Variants in TMEM127 observed in about 807,000 individuals in gnomAD.
TMEM127 encodes transmembrane protein 127.
In TMEM127, 21 loss-of-function variants were observed where a neutral mutation model predicts 20.1. The observed-to-expected ratio is 1.04, with a 90% CI of 0.74 to 1.50. The LOEUF (loss-of-function observed/expected upper bound fraction) is 1.50, where lower values mean the gene tolerates loss of function less well. Ranked by LOEUF, TMEM127 falls within the 40% of genes most tolerant of loss-of-function variation. The pLI is 0.00. For synonymous variants in TMEM127, 150 were observed against 144.7 expected (o/e 1.04, Z -0.26); for missense variants, 303 against 317.4 (o/e 0.95, Z 0.34).
At chr2:96,265,567 G>T in intron 1 of TMEM127, 55 bp from the exon 2 acceptor site, 1 of 693,054 alleles carries the variant, frequency 1.4e-6, no homozygotes, top group Non-Finnish European at 2.0e-6. Context: ...TGACGGAGAC[G>T]GGGAGGGCTG....
At chr2:96,263,182 G>A (rs1215432042) in intron 2 of TMEM127, among the ~76,000 whole-genome samples, 2 of 151,858 alleles carry the variant, frequency 1.3e-5, no homozygotes, top group African/African-American at 4.8e-5. Flanking sequence ...AGCCTTCAGA[G>A]TATCTGGGAC....
chr2:96,252,863 G>T lies in TMEM127; in HGVS notation c.*945C>A, dbSNP rs1440325323. ...CCAGGGAGTCACCGTCACTGAGAGG[G>T]AAGGGGCCAGGGAAGGGAGGCTGCA... On this transcript the variant is annotated 3_prime_UTR_variant, in exon 4 of 4. Coordinates refer to ENST00000258439, the MANE Select transcript of TMEM127 (RefSeq NM_017849.4). This position sits in a 1 kb window ranked among gnomAD's most constrained non-coding sequence, Gnocchi z 4.2. 4.3e-6 allele frequency: 1 copy of T among 233,878 alleles called. No homozygotes were observed. Among genetic ancestry groups the T allele is most frequent in the Non-Finnish European group, 8.5e-6 (1 of 118,254 alleles). 14.5% of individuals were successfully genotyped at this position (233,878 alleles called of 1,614,324 possible). A position where few individuals can be genotyped will look rare whatever the true frequency, so the allele number is the denominator to read the frequency against.
At chr2:96,260,545 G>A (rs987943340) in intron 2 of TMEM127, 1 of 152,292 alleles carries the variant, frequency 6.6e-6, no homozygotes, top group Admixed American at 6.5e-5. Context: ...GCTTGGCGGT[G>A]CCCTCTAGTC....
rs577020327 is a variant in TMEM127, at chr2:96,265,237, C to T, written c.145G>A (p.Ala49Thr). Residue 49 changes from alanine (A) to threonine (T), a missense_variant, in exon 2 of 4, where the codon GCC (alanine) becomes ACC (threonine). Transcript: ENST00000258439. ...LSITALCTALAEPAWLHIHGG... is the reference protein window; with the variant it reads ...LSITALCTALTEPAWLHIHGG... ...TGGATGTGCAACCAGGCGGGCTCGG[C>T]GAGGGCAGTGCACAGCGCCGTGATA... 9 of 1,598,758 alleles carry T rather than the reference C, an allele frequency of 5.6e-6. No individual in the cohort carries two copies. The Admixed American group carries it at 1.2e-4, about 21-fold the overall frequency.
chr2:96,265,907 C>G lies in TMEM127; in HGVS notation c.-170G>C, dbSNP rs1684413858. ...CCAGGGCTGGGATGGTGCTGCTCAG[C>G]CCAGTCACGGGCTTCTCGGCTGCCG... On this transcript the variant is annotated 5_prime_UTR_variant, in exon 1 of 4. Coordinates refer to ENST00000258439, the MANE Select transcript of TMEM127 (RefSeq NM_017849.4). 1 of 169,918 alleles carries G rather than the reference C, an allele frequency of 5.9e-6. No individual in the cohort carries two copies. Among genetic ancestry groups the G allele is most frequent in the Admixed American group, 6.4e-5 (1 of 15,690 alleles). 10.5% of individuals were successfully genotyped at this position (169,918 alleles called of 1,614,324 possible).
intron 2 of TMEM127, among the ~76,000 whole-genome samples, chr2:96,259,812 G>A (rs1262539081): frequency 1.3e-5 from 2 of 152,226 alleles, no homozygotes; most frequent in Admixed American, 6.5e-5. Context: ...GGCATGCTGG[G>A]TCAGCTGACA....
intron 2 of TMEM127, among the ~76,000 whole-genome samples, chr2:96,257,693 C>T (rs1380412583): frequency 6.6e-5 from 10 of 152,134 alleles, no homozygotes; most frequent in East Asian, 3.9e-4. Flanking sequence ...GTGGGTGGAT[C>T]GCCTGAGGTC....
At chr2:96,259,849 G>C (rs1448498992) in intron 2 of TMEM127, among the ~76,000 whole-genome samples, 1 of 152,226 alleles carries the variant, frequency 6.6e-6, no homozygotes, top group Non-Finnish European at 1.5e-5. Flanking sequence ...GCAGCCACCT[G>C]TGCTGTTATT....
At position 96,254,090 on chromosome 2, in the gene TMEM127, G is replaced by C. The variant is rs761795793; in HGVS notation, c.435C>G (p.Gly145=). ...LTVLQCATVI[G]FSYWASELIL... Reference sequence around the variant, plus strand: ...TGAGTTCAGAAGCCCAATAAGAAAAGCCAATGACGGTGGCACACTGCAGAA... The same window carrying C: ...TGAGTTCAGAAGCCCAATAAGAAAACCCAATGACGGTGGCACACTGCAGAA... Residue 145 remains glycine (G), a synonymous_variant, in exon 4 of 4, where the codon GGC becomes GGG. Transcript: ENST00000258439. The C allele has an allele frequency of 1.2e-6, 2 of 1,614,120 alleles. No individual in the cohort carries two copies. The highest frequency in any genetic ancestry group is 1.6e-4 in the Middle Eastern group (1 of 6,062).
Position 96,253,402 on chromosome 2 carries a change from G to A in TMEM127, c.*406C>T. 3.5e-6 allele frequency: 1 copy of A among 284,458 alleles called. No homozygotes were observed. The highest frequency in any genetic ancestry group is 8.3e-5 in the South Asian group (1 of 12,046). The allele number at this position is 284,458 out of a possible 1,614,324, so 17.6% of individuals were successfully genotyped here. On this transcript the variant is annotated 3_prime_UTR_variant, in exon 4 of 4. Transcript: ENST00000258439. The surrounding 1 kb of genome is among the most constrained non-coding windows in gnomAD (Gnocchi z 4.3). ...CTGTGGAGCAAACACTGATCCCTGTGAAGTGAGCCTCCAGGGCACAGTCCC... is the reference window on the plus strand; with the variant it reads ...CTGTGGAGCAAACACTGATCCCTGTAAAGTGAGCCTCCAGGGCACAGTCCC...
At chr2:96,257,650 A>G (rs1208079022) in intron 2 of TMEM127, among the ~76,000 whole-genome samples, 1 of 152,034 alleles carries the variant, frequency 6.6e-6, no homozygotes, top group Non-Finnish European at 1.5e-5. Context: ...ATGGTGGCTC[A>G]CGCCTGTAAT....
At chr2:96,257,199 C>G (rs374271555) in intron 2 of TMEM127, among the ~76,000 whole-genome samples, 4 of 152,210 alleles carry the variant, frequency 2.6e-5, no homozygotes, top group Non-Finnish European at 5.9e-5. Context: ...CAGTGGCTCA[C>G]GCCTATAATC....
chr2:96,260,122 T>C (rs1164243231), intron 2 of TMEM127, among the ~76,000 whole-genome samples: 1 of 152,220 alleles, frequency 6.6e-6, no homozygotes, highest in East Asian at 1.9e-4. Context: ...AAACCAAATA[T>C]GAAATTCCCT....
Position 96,250,489 on chromosome 2 carries a change from ACAGGG to A in TMEM127, c.*3314_*3318del, listed in dbSNP as rs1167066329. On this transcript the variant is annotated 3_prime_UTR_variant, in exon 4 of 4. Coordinates refer to ENST00000258439, the MANE Select transcript of TMEM127 (RefSeq NM_017849.4). ...AACTAAGGACATAAAATCCTTGCAG[ACAGGG>A]TCCTGTCCGTCACTGTATATTTCAT... is the stretch of plus-strand genomic sequence containing the variant. The A allele has an allele frequency of 1.3e-5, 3 of 232,846 alleles. No homozygotes were observed. Among genetic ancestry groups the A allele is most frequent in the African/African-American group, 6.6e-5 (3 of 45,332 alleles). 14.4% of individuals were successfully genotyped at this position (232,846 alleles called of 1,614,324 possible).
At position 96,253,469 on chromosome 2, in the gene TMEM127, G is replaced by A. The variant is rs746619347; in HGVS notation, c.*339C>T. 16 of 364,096 alleles carry A rather than the reference G, an allele frequency of 4.4e-5. No individual in the cohort carries two copies. Among genetic ancestry groups the A allele is most frequent in the Non-Finnish European group, 8.1e-5 (16 of 197,676 alleles). 22.6% of individuals were successfully genotyped at this position (364,096 alleles called of 1,614,324 possible). A position where few individuals can be genotyped will look rare whatever the true frequency, so the allele number is the denominator to read the frequency against. On this transcript the variant is annotated 3_prime_UTR_variant, in exon 4 of 4. Coordinates refer to ENST00000258439, the MANE Select transcript of TMEM127 (RefSeq NM_017849.4). The surrounding 1 kb of genome is among the most constrained non-coding windows in gnomAD (Gnocchi z 4.3). ...TTGACACTTGTTTTTGGGACTGTCC[G>A]CTCTCAGCAGCTCTCCAAGGAAAGT...
rs778493549 is a variant in TMEM127, at chr2:96,251,687, C to T, written c.*2121G>A. The stretch of plus-strand genomic sequence containing the variant: ...TCTGGTTTTTTTGGTTTTGTTTTCC[C>T]TTTTAATTTTTTTCTAGAAAAAAAA... On this transcript the variant is annotated 3_prime_UTR_variant, in exon 4 of 4. Transcript: ENST00000258439. 2 of 232,004 alleles carry T rather than the reference C, an allele frequency of 8.6e-6. No individual in the cohort carries two copies. The highest frequency in any genetic ancestry group is 4.4e-5 in the African/African-American group (2 of 45,260). 14.4% of individuals were successfully genotyped at this position (232,004 alleles called of 1,614,324 possible). A position where few individuals can be genotyped will look rare whatever the true frequency, so the allele number is the denominator to read the frequency against.
intron 2 of TMEM127, among the ~76,000 whole-genome samples, chr2:96,257,073 G>A (rs1684221680): frequency 6.6e-6 from 1 of 152,224 alleles, no homozygotes; most frequent in South Asian, 2.1e-4. Context: ...GGGGGTCATG[G>A]TGCAGGGAGA....
intron 2 of TMEM127, among the ~76,000 whole-genome samples, chr2:96,261,321 G>A (rs558684754): frequency 2.1e-4 from 32 of 151,804 alleles, no homozygotes; most frequent in Admixed American, 1.8e-3. Flanking sequence ...TGTCACCCAG[G>A]CTGGAGTGCA....
At position 96,264,991 on chromosome 2, in the gene TMEM127, A is replaced by G; in HGVS notation, c.244+147T>C. 3 of 1,366,064 alleles carry G rather than the reference A, an allele frequency of 2.2e-6. No homozygotes were observed. In the South Asian group the frequency reaches 3.7e-5, roughly 17 times the overall value. 84.6% of individuals were successfully genotyped at this position (1,366,064 alleles called of 1,614,324 possible). On this transcript the variant is annotated intron_variant, in intron 2 of 3. Transcript: ENST00000258439. The stretch of plus-strand genomic sequence containing the variant: ...AGAATTAATGAGGGGCCGGACCCCA[A>G]ACAGAGCCACCTGGTGGGCATGAAC...
Sources: gnomAD v4.1 joint callset for allele counts (sites outside exome capture counted in the v4.1 genomes callset) on GRCh38, gnomAD v4.1.1 for gene constraint, Gnocchi (gnomAD v3.1) non-coding constraint, MANE v1.5 for transcripts, NCBI Gene and HGNC (gene_info 2026-07-23, HGNC 2026-07-21) for gene names.